Variants in KIF21B observed in about 807,000 individuals in gnomAD.
The protein encoded by KIF21B is kinesin-like protein KIF21B.
Under a neutral mutation model 192.9 loss-of-function variants are expected in KIF21B, and 85 were observed. The observed-to-expected ratio is 0.44, with a 90% CI of 0.37 to 0.53. KIF21B has a LOEUF of 0.53. Among genes scored for constraint, KIF21B ranks in the 20% least tolerant of loss-of-function variants. The pLI, the probability that KIF21B is intolerant of heterozygous loss-of-function variation, is 0.00. For synonymous variants in KIF21B, 832 were observed against 884.6 expected (o/e 0.94, Z 1.05); for missense variants, 1,716 against 2,194.8 (o/e 0.78, Z 4.36).
At chr1:201,011,673 A>T (rs1461639292) in intron 1 of KIF21B, among the ~76,000 whole-genome samples, 1 of 152,222 alleles carries the variant, frequency 6.6e-6, no homozygotes, top group Admixed American at 6.5e-5. Flanking sequence ...CCCAAGGCTA[A>T]GCACTTCCTC....
chr1:201,017,279 C>T lies in KIF21B; in HGVS notation c.41+6064G>A, dbSNP rs1040572100. Among the ~76,000 whole-genome samples the T allele has an allele frequency of 2.0e-5, 3 of 152,150 alleles. No individual in the cohort carries two copies. The highest frequency in any genetic ancestry group is 4.4e-5 in the Non-Finnish European group (3 of 68,028). On this transcript the variant is annotated intron_variant, in intron 1 of 34. Coordinates refer to ENST00000461742, the MANE Select transcript of KIF21B (RefSeq NM_001252102.2). The surrounding 1 kb of genome is among the most constrained non-coding windows in gnomAD (Gnocchi z 4.1). ...GGAGGAGCTGAAAGAAGGGGCCAGT[C>T]CCTGTCCTGAGTTGGATATATCCCC...
chr1:201,002,457 AT>A, intron 8 of KIF21B, 107 bp from the exon 9 acceptor site: 1 of 961,076 alleles, frequency 1.0e-6, no homozygotes, highest in Non-Finnish European at 1.6e-6. Context: ...CTTCCCCTGG[AT>A]ATGGCGCATC....
At chr1:201,003,820 C>T in intron 7 of KIF21B, 39 bp from the exon 8 acceptor site, 1 of 1,604,614 alleles carries the variant, frequency 6.2e-7, no homozygotes, top group East Asian at 2.2e-5. Flanking sequence ...GTGAGGGACA[C>T]AGCCAGCCCC....
chr1:201,009,132 T>A (rs1286030841), intron 2 of KIF21B, 134 bp downstream of exon 2: 2 of 1,109,616 alleles, frequency 1.8e-6, no homozygotes, highest in Non-Finnish European at 2.6e-6. Flanking sequence ...TAACCAGCGG[T>A]GCAACGGCCT....
chr1:200,973,762 C>T (rs1336347635), intron 34 of KIF21B, 184 bp from the exon 35 acceptor site: 24 of 1,455,138 alleles, frequency 1.6e-5, no homozygotes, highest in Middle Eastern at 4.2e-4. Flanking sequence ...GATGGAGAGG[C>T]CTGTGCACTC....
chr1:201,007,055 CACACACACAG>C (rs1420278340), intron 3 of KIF21B, among the ~76,000 whole-genome samples: 25 of 146,918 alleles, frequency 1.7e-4, no homozygotes, highest in African/African-American at 4.5e-4. Flanking sequence ...CATAGACACA[CACACACACAG>C]ACACACACAG....
rs541919266 is a variant in KIF21B at position 200,980,987 on chromosome 1, C to T, written c.3952G>A (p.Asp1318Asn). Reference sequence around the variant, plus strand: ...TTGGACCCTGTGAATAGCAACTCATCTGTGGCATCCAGGCAGAGGATGGGC... The same window carrying T: ...TTGGACCCTGTGAATAGCAACTCATTTGTGGCATCCAGGCAGAGGATGGGC... ...TKPILCLDAT[D>N]ELLFTGSKDR... is the part of the protein sequence containing the mutation. The change falls in exon 29 of 35, where the codon GAT (aspartate) becomes AAT (asparagine). Residue 1318 changes from aspartate to asparagine, a missense_variant. Coordinates refer to ENST00000461742, the MANE Select transcript of KIF21B (RefSeq NM_001252102.2). 11 of 1,611,630 alleles carry T rather than the reference C, an allele frequency of 6.8e-6. No homozygotes were observed. The highest frequency in any genetic ancestry group is 9.3e-6 in the Non-Finnish European group (11 of 1,178,990).
In KIF21B at chr1:200,973,402, A is replaced by C; in HGVS notation, c.*119T>G. 1 of 1,242,466 alleles carries C rather than the reference A, an allele frequency of 8.0e-7. No homozygotes were observed. Among genetic ancestry groups the C allele is most frequent in the South Asian group, 2.0e-5 (1 of 50,300 alleles). The allele number at this position is 1,242,466 out of a possible 1,614,324, so 77.0% of individuals were successfully genotyped here. A position where few individuals can be genotyped will look rare whatever the true frequency, so the allele number is the denominator to read the frequency against. On this transcript the variant is annotated 3_prime_UTR_variant, in exon 35 of 35. Coordinates refer to ENST00000461742, the MANE Select transcript of KIF21B (RefSeq NM_001252102.2). ...CAAGGGAGAGGGAGGAGGGCAGGAG[A>C]GGGGGCCACGCCCTCTGTCCCCAGA...
intron 32 of KIF21B, 26 bp downstream of exon 32, chr1:200,976,750 C>T (rs1385782203): frequency 1.1e-5 from 17 of 1,486,522 alleles, no homozygotes; most frequent in East Asian, 4.6e-5. Context: ...AGACCAGCCC[C>T]GACCCAGGCC....
Position 201,018,768 on chromosome 1 carries a change from T to C in KIF21B, c.41+4575A>G, listed in dbSNP as rs75417366. The stretch of plus-strand genomic sequence containing the variant: ...CACAGAGTAAGTGTTCAATACATTA[T>C]AGTGCTTAGCCACCTCCTGGTTCAT... On this transcript the variant is annotated intron_variant, in intron 1 of 34. Transcript: ENST00000461742. 3.4e-3 allele frequency among the ~76,000 whole-genome samples: 522 copies of C among 152,318 alleles called. 2 individuals are homozygous for C. The highest frequency in any genetic ancestry group is 0.014 in the Middle Eastern group (4 of 294).
intron 3 of KIF21B, among the ~76,000 whole-genome samples, chr1:201,007,455 TACAC>T (rs1246768252): frequency 7.2e-4 from 39 of 54,016 alleles, no homozygotes; most frequent in Non-Finnish European, 2.0e-4. Context: ...CACACAAACA[TACAC>T]ACACACAGAC....
At position 200,999,257 on chromosome 1, in the gene KIF21B, C is replaced by T. The variant is rs1373914146; in HGVS notation, c.1885+92G>A. 4 of 1,489,770 alleles carry T rather than the reference C, an allele frequency of 2.7e-6. No individual in the cohort carries two copies. Among genetic ancestry groups the T allele is most frequent in the Admixed American group, 1.7e-5 (1 of 59,686 alleles). 92.3% of individuals were successfully genotyped at this position (1,489,770 alleles called of 1,614,324 possible). A position where few individuals can be genotyped will look rare whatever the true frequency, so the allele number is the denominator to read the frequency against. Reference sequence around the variant, plus strand: ...ACGTCTGGGAGTGCTGGGGCCTGGACACCATTATCTTTGAGCAGGGCCCGA... The same window carrying T: ...ACGTCTGGGAGTGCTGGGGCCTGGATACCATTATCTTTGAGCAGGGCCCGA... On this transcript the variant is annotated intron_variant, in intron 13 of 34. Coordinates refer to ENST00000461742, the MANE Select transcript of KIF21B (RefSeq NM_001252102.2). The surrounding 1 kb of genome is among the most constrained non-coding windows in gnomAD (Gnocchi z 4.7).
chr1:200,973,681 A>G, intron 34 of KIF21B, 103 bp from the exon 35 acceptor site: 1 of 1,506,574 alleles, frequency 6.6e-7, no homozygotes, highest in South Asian at 1.3e-5. Flanking sequence ...CAAACTCCCC[A>G]AATGTGGTTG....
rs1471855756 is a variant in KIF21B at position 200,990,673 on chromosome 1, C to T, written c.2738G>A (p.Arg913Lys). ...TCGCTCCAGGGACTGCCACTTGAGC[C>T]TTGCCGCCTTACTGAAGCTCTGGCT... Reference protein sequence around the residue: ...GASQSFSKAARLKWQSLERRI... With the variant: ...GASQSFSKAAKLKWQSLERRI... Residue 913 changes from arginine (R) to lysine (K), a missense_variant, in exon 19 of 35, where the codon AGG becomes AAG. This residue lies in a region of KIF21B where 1,087 missense variants were observed against 1,316.6 expected (regional missense o/e 0.83). Coordinates refer to ENST00000461742, the MANE Select transcript of KIF21B (RefSeq NM_001252102.2). This position sits in a 1 kb window ranked among gnomAD's most constrained non-coding sequence, Gnocchi z 5.4. 6.2e-7 allele frequency: 1 copy of T among 1,614,162 alleles called. No homozygotes were observed. The highest frequency in any genetic ancestry group is 8.5e-7 in the Non-Finnish European group (1 of 1,180,024).
At chr1:201,009,532 G>A (rs1428147638) in intron 1 of KIF21B, 44 bp from the exon 2 acceptor site, 1 of 1,572,202 alleles carries the variant, frequency 6.4e-7, no homozygotes, top group Admixed American at 1.7e-5. Context: ...CAGCTAGAAG[G>A]GGGCTGCCAC....
intron 26 of KIF21B, among the ~76,000 whole-genome samples, 171 bp downstream of exon 26, chr1:200,986,673 C>T (rs930992312): frequency 1.3e-5 from 2 of 152,180 alleles, no homozygotes; most frequent in African/African-American, 4.8e-5. Context: ...CTTCAGTCCA[C>T]ACCTGACAGG....
chr1:201,009,638 C>G (rs1658121482), intron 1 of KIF21B, 150 bp from the exon 2 acceptor site: 2 of 642,970 alleles, frequency 3.1e-6, no homozygotes, highest in East Asian at 5.5e-5. Flanking sequence ...ACATGGGCAA[C>G]TTTTGTAATA....
chr1:201,015,276 A>T (rs1388729840), intron 1 of KIF21B, among the ~76,000 whole-genome samples: 7 of 152,190 alleles, frequency 4.6e-5, no homozygotes, highest in Non-Finnish European at 8.8e-5. Context: ...TTTGCACTTT[A>T]GGGATTTTAG....
intron 30 of KIF21B, among the ~76,000 whole-genome samples, chr1:200,977,968 A>G (rs1655669368): frequency 6.6e-6 from 1 of 151,880 alleles, no homozygotes; most frequent in African/African-American, 2.4e-5. Context: ...TCCCGACCTC[A>G]GGTGATTTGC....
Sources: allele counts gnomAD v4.1 joint callset (sites outside exome capture counted in the v4.1 genomes callset), GRCh38; gene constraint gnomAD v4.1.1; regional missense constraint gnomAD v4.1.1; non-coding constraint Gnocchi (gnomAD v3.1); transcripts MANE v1.5; gene names NCBI Gene and HGNC (gene_info 2026-07-23, HGNC 2026-07-21).